The following INTS8 variants were observed in gnomAD, a reference collection of about 807,000 sequenced individuals.
INTS8 encodes protein kaonashi-1.
INTS8 carries 47 observed loss-of-function variants against 138.9 expected under a neutral mutation model. The ratio of observed to expected loss-of-function variants is 0.34; its 90% confidence interval spans 0.27 to 0.43. The LOEUF is 0.43. Ranked by LOEUF, INTS8 falls within the 20% of genes least tolerant of loss-of-function variation. The pLI, the probability that INTS8 is intolerant of heterozygous loss-of-function variation, is 1.00. For missense variants in INTS8, 996 were observed against 1,173.0 expected (o/e 0.85, Z 2.20); for synonymous variants, 392 against 400.9 (o/e 0.98, Z 0.27).
chr8:94,850,410 A>G (rs1203039410), intron 12 of INTS8, among the ~76,000 whole-genome samples: 8 of 152,282 alleles, frequency 5.3e-5, no homozygotes, highest in Admixed American at 5.2e-4. Context: ...CAGCAGATAG[A>G]GACCATCCTG....
intron 7 of INTS8, among the ~76,000 whole-genome samples, chr8:94,838,049 T>C (rs548505431): frequency 4.6e-5 from 7 of 150,696 alleles, no homozygotes; most frequent in South Asian, 2.1e-4. Flanking sequence ...CTTTTCTTTT[T>C]TTTTTTTTTT....
At chr8:94,847,253 G>GCTGGTTTCAAACTC (rs1395815917) in intron 10 of INTS8, among the ~76,000 whole-genome samples, 3 of 152,024 alleles carry the variant, frequency 2.0e-5, no homozygotes, top group Non-Finnish European at 2.9e-5. Flanking sequence ...TGTTGGCTGG[G>GCTGGTTTCAAACTC]CTGGTTTCAA....
rs773814685 is a variant in INTS8 at position 94,823,580 on chromosome 8, C to A, written c.130+19C>A. 6.5e-7 allele frequency: 1 copy of A among 1,535,416 alleles called. No homozygotes were observed. Among genetic ancestry groups the A allele is most frequent in the Admixed American group, 2.0e-5 (1 of 49,306 alleles). On this transcript the variant is annotated intron_variant, in intron 1 of 26. Coordinates refer to ENST00000523731, the MANE Select transcript of INTS8 (RefSeq NM_017864.4). ...TGCCCGGGTGAGCGCGGCGCCTGCA[C>A]CTGGGGAGCGGGACCCGGCCACCGG...
At position 94,881,124 on chromosome 8, in the gene INTS8, T is replaced by G; in HGVS notation, c.*890T>G. 2.5e-6 allele frequency: 1 copy of G among 396,366 alleles called. No homozygotes were observed. The highest frequency in any genetic ancestry group is 6.3e-4 in the Middle Eastern group (1 of 1,580). 24.6% of individuals were successfully genotyped at this position (396,366 alleles called of 1,614,324 possible). A position where few individuals can be genotyped will look rare whatever the true frequency, so the allele number is the denominator to read the frequency against. On this transcript the variant is annotated 3_prime_UTR_variant, in exon 27 of 27. Coordinates refer to ENST00000523731, the MANE Select transcript of INTS8 (RefSeq NM_017864.4). ...GCTATAGCAGCTATAGATAAATTAG[T>G]CACCTTATTACAAAACTAAACCTTT... is the stretch of plus-strand genomic sequence containing the variant.
chr8:94,832,995 C>T (rs1160830743), intron 6 of INTS8, among the ~76,000 whole-genome samples: 2 of 151,996 alleles, frequency 1.3e-5, no homozygotes, highest in Non-Finnish European at 2.9e-5. Context: ...TTCTTTTTCC[C>T]TACTGGATTA....
intron 17 of INTS8, 157 bp downstream of exon 17, chr8:94,865,847 G>A: frequency 1.5e-6 from 1 of 680,230 alleles, no homozygotes; most frequent in South Asian, 2.2e-5. Flanking sequence ...ACTCACCTGT[G>A]ATGAACCTGT....
At chr8:94,875,426 G>A (rs747708849) in intron 23 of INTS8, among the ~76,000 whole-genome samples, 7 of 152,198 alleles carry the variant, frequency 4.6e-5, no homozygotes, top group Non-Finnish European at 7.4e-5. Flanking sequence ...GTAGGCAAAT[G>A]TATGGAGACA....
chr8:94,871,147 T>TAA (rs1191770743), intron 20 of INTS8, among the ~76,000 whole-genome samples: 1 of 152,082 alleles, frequency 6.6e-6, no homozygotes, highest in African/African-American at 2.4e-5. Flanking sequence ...GATTTTTATG[T>TAA]AACTTCTCAT....
At chr8:94,866,068 TAAG>T in intron 17 of INTS8, 87 bp from the exon 18 acceptor site, 1 of 602,244 alleles carries the variant, frequency 1.7e-6, no homozygotes, top group East Asian at 2.9e-5. Flanking sequence ...ATTGGAGCAT[TAAG>T]AATAAACCTT....
At chr8:94,868,048 A>G (rs977859089) in intron 20 of INTS8, among the ~76,000 whole-genome samples, 4 of 152,154 alleles carry the variant, frequency 2.6e-5, no homozygotes, top group Admixed American at 6.5e-5. Context: ...AAGGCTCCCA[A>G]TCTCTTTTAG....
rs546511657 is a variant in INTS8, at chr8:94,874,817, C to A, written c.2688+215C>A. On this transcript the variant is annotated intron_variant, in intron 23 of 26. Coordinates refer to ENST00000523731, the MANE Select transcript of INTS8 (RefSeq NM_017864.4). ...TTAAAAACATTGACCTTTAAACCTC[C>A]TAAGTGGGAAAAAAGCATTTTTCAG... Among the ~76,000 whole-genome samples the A allele has an allele frequency of 2.0e-3, 308 of 152,060 alleles. 2 individuals carry two copies. The South Asian group carries it at 0.025, about 13-fold the overall frequency.
In INTS8 at chr8:94,876,155, T is replaced by A; in HGVS notation, c.2762+8T>A. 2.5e-6 allele frequency: 4 copies of A among 1,607,040 alleles called. No individual in the cohort carries two copies. The highest frequency in any genetic ancestry group is 3.4e-6 in the Non-Finnish European group (4 of 1,174,084). On this transcript the variant is annotated splice_region_variant and intron_variant, in intron 24 of 26. Coordinates refer to ENST00000523731, the MANE Select transcript of INTS8 (RefSeq NM_017864.4). ...TCTGCAAGAACAAAACAGGTATGAATAATATTTTAAAAATAATGAGGTCAA... is the reference window on the plus strand; with the variant it reads ...TCTGCAAGAACAAAACAGGTATGAAAAATATTTTAAAAATAATGAGGTCAA...
At position 94,870,184 on chromosome 8, in the gene INTS8, T is replaced by C. The variant is rs539704348; in HGVS notation, c.2415-1700T>C. Among the ~76,000 whole-genome samples, 102 of 152,126 alleles carry C rather than the reference T, an allele frequency of 6.7e-4. 1 individual carries two copies. The highest frequency in any genetic ancestry group is 2.4e-3 in the African/African-American group (98 of 41,498). ...CTCCTGCCTCAGCCTCCCAAGTAGC[T>C]GGGGCTACAGGCGCCCACCACCATG... is the stretch of plus-strand genomic sequence containing the variant. On this transcript the variant is annotated intron_variant, in intron 20 of 26. Coordinates refer to ENST00000523731, the MANE Select transcript of INTS8 (RefSeq NM_017864.4).
At chr8:94,873,126 A>G (rs917133803) in intron 21 of INTS8, among the ~76,000 whole-genome samples, 2 of 152,204 alleles carry the variant, frequency 1.3e-5, no homozygotes, top group African/African-American at 4.8e-5. Flanking sequence ...ATTTCTTGAT[A>G]TACCGATTCT....
Position 94,865,625 on chromosome 8 carries a change from A to G in INTS8, c.2196A>G (p.Lys732=). The G allele has an allele frequency of 5.0e-6, 8 of 1,614,162 alleles. No homozygotes were observed. The highest frequency in any genetic ancestry group is 5.9e-6 in the Non-Finnish European group (7 of 1,179,984). The change falls in exon 17 of 27, where the codon AAA becomes AAG. Residue 732 remains lysine (K), a synonymous_variant. Coordinates refer to ENST00000523731, the MANE Select transcript of INTS8 (RefSeq NM_017864.4). ...TCTGTAGTGTGTCCAGTCAGCACAA[A>G]CGAGGAAATGATGGCAGAGTTAGTT... ...VQICSVSSQH[K]RGNDGRVSLI... is the part of the protein sequence containing the mutation.
intron 26 of INTS8, among the ~76,000 whole-genome samples, chr8:94,877,814 C>G (rs1382653483): frequency 6.6e-6 from 1 of 152,220 alleles, no homozygotes; most frequent in East Asian, 1.9e-4. Flanking sequence ...CTCTTACTTC[C>G]TTGCTCCTGA....
At chr8:94,843,180 C>A (rs1260684081) in intron 10 of INTS8, among the ~76,000 whole-genome samples, 1 of 152,190 alleles carries the variant, frequency 6.6e-6, no homozygotes, top group Non-Finnish European at 1.5e-5. Context: ...TAAATGGAAT[C>A]ATACAATGTG....
chr8:94,870,432 G>A (rs1017085089), intron 20 of INTS8, among the ~76,000 whole-genome samples: 2 of 152,204 alleles, frequency 1.3e-5, no homozygotes, highest in African/African-American at 2.4e-5. Flanking sequence ...CATGATGAAA[G>A]TACTTTAAAT....
At chr8:94,876,571 G>T (rs6985452) in intron 26 of INTS8, 82 bp downstream of exon 26, 2 of 824,988 alleles carry the variant, frequency 2.4e-6, no homozygotes, top group Non-Finnish European at 3.8e-6. Flanking sequence ...ACAAAAAATA[G>T]ATTTTGTGTA....
Sources: allele counts gnomAD v4.1 joint callset (sites outside exome capture counted in the v4.1 genomes callset), GRCh38; gene constraint gnomAD v4.1.1; transcripts MANE v1.5; gene names NCBI Gene and HGNC (gene_info 2026-07-23, HGNC 2026-07-21).